ABHD17C: variants seen among roughly 807,000 people sequenced by gnomAD.
The protein encoded by ABHD17C is abhydrolase domain containing 17C, depalmitoylase.
Under a neutral mutation model 27.9 loss-of-function variants are expected in ABHD17C, and 11 were observed. That is an observed-to-expected ratio of 0.39 (90% CI 0.25 to 0.65). The LOEUF (loss-of-function observed/expected upper bound fraction) is 0.65. Ranked by LOEUF, ABHD17C falls within the 30% of genes least tolerant of loss-of-function variation. ABHD17C has a pLI of 0.45. For synonymous variants in ABHD17C, 233 were observed against 209.1 expected (o/e 1.11, Z -0.98); for missense variants, 280 against 470.2 (o/e 0.60, Z 3.74).
At chr15:80,698,564 G>C (rs1237952209) in intron 1 of ABHD17C, among the ~76,000 whole-genome samples, 1 of 152,202 alleles carries the variant, frequency 6.6e-6, no homozygotes, top group African/African-American at 2.4e-5. Context: ...ATATTTATCA[G>C]ATTCTTCAGG....
chr15:80,734,301 G>T (rs1161120950), intron 1 of ABHD17C, among the ~76,000 whole-genome samples: 1 of 152,164 alleles, frequency 6.6e-6, no homozygotes, highest in African/African-American at 2.4e-5. Context: ...TTTTATATAA[G>T]CCAGCTTGTG....
At chr15:80,747,518 G>C (rs1196732187) in intron 1 of ABHD17C, among the ~76,000 whole-genome samples, 4 of 152,136 alleles carry the variant, frequency 2.6e-5, no homozygotes, top group Non-Finnish European at 5.9e-5. Flanking sequence ...AGTCCTCGTG[G>C]AGGGTGCTTT....
At chr15:80,745,146 C>T (rs970321011) in intron 1 of ABHD17C, among the ~76,000 whole-genome samples, 4 of 152,296 alleles carry the variant, frequency 2.6e-5, no homozygotes, top group Admixed American at 6.5e-5. Flanking sequence ...TGTGGTGTGA[C>T]ATAGACTATC....
At chr15:80,702,773 A>G (rs927493431) in intron 1 of ABHD17C, 5 of 152,232 alleles carry the variant, frequency 3.3e-5, no homozygotes, top group Non-Finnish European at 7.3e-5. Flanking sequence ...GCCTGTGTAC[A>G]GGAATCCAGA....
intron 1 of ABHD17C, among the ~76,000 whole-genome samples, 190 bp from the exon 2 acceptor site, chr15:80,749,323 A>G (rs774179596): frequency 1.3e-5 from 2 of 152,176 alleles, no homozygotes; most frequent in African/African-American, 4.8e-5. Flanking sequence ...GTCACTTAGT[A>G]CCAAAACAGG....
chr15:80,734,072 C>A (rs532400143), intron 1 of ABHD17C, among the ~76,000 whole-genome samples: 13 of 152,150 alleles, frequency 8.5e-5, no homozygotes, highest in African/African-American at 3.1e-4. Context: ...GCAACTTCCA[C>A]GTCCCGGACT....
In ABHD17C at chr15:80,723,136, A is replaced by ATG. The variant is rs1323977699; in HGVS notation, c.591-26376_591-26375insGT. On this transcript the variant is annotated intron_variant, in intron 1 of 2. Coordinates refer to ENST00000258884, the MANE Select transcript of ABHD17C (RefSeq NM_021214.2). ...TATTCCATTGTTTGTGTGTGTGTAT[A>ATG]TATGTGTGTGTGTGTGTGTGTGTGT... Among the ~76,000 whole-genome samples, 350 of 92,510 alleles carry ATG rather than the reference A, an allele frequency of 3.8e-3. 1 individual carries two copies. The highest frequency in any genetic ancestry group is 7.7e-3 in the Non-Finnish European group (265 of 34,320). 60.7% of individuals were successfully genotyped at this position (92,510 alleles called of 152,430 possible). A position where few individuals can be genotyped will look rare whatever the true frequency, so the allele number is the denominator to read the frequency against.
At chr15:80,723,000 C>T (rs972689684) in intron 1 of ABHD17C, among the ~76,000 whole-genome samples, 9 of 152,184 alleles carry the variant, frequency 5.9e-5, no homozygotes, top group Non-Finnish European at 8.8e-5. Flanking sequence ...CTTGTGGATA[C>T]GGAGGACCAA....
At chr15:80,696,921 C>A (rs899477122) in intron 1 of ABHD17C, among the ~76,000 whole-genome samples, 7 of 152,176 alleles carry the variant, frequency 4.6e-5, no homozygotes, top group African/African-American at 1.4e-4. Context: ...CCTTTCCGAC[C>A]TGCCTCATAG....
chr15:80,734,398 C>G (rs1895098680), intron 1 of ABHD17C, among the ~76,000 whole-genome samples: 1 of 152,188 alleles, frequency 6.6e-6, no homozygotes, highest in Non-Finnish European at 1.5e-5. Flanking sequence ...GCAGCATTTT[C>G]TGGCTTTTCC....
chr15:80,724,209 G>T (rs1298696951), intron 1 of ABHD17C, among the ~76,000 whole-genome samples: 1 of 151,950 alleles, frequency 6.6e-6, no homozygotes, highest in Non-Finnish European at 1.5e-5. Flanking sequence ...AGGTGTGGTG[G>T]GGCATGCCTT....
chr15:80,701,652 C>G (rs1894573923), intron 1 of ABHD17C, among the ~76,000 whole-genome samples: 1 of 150,076 alleles, frequency 6.7e-6, no homozygotes, highest in South Asian at 2.1e-4. Flanking sequence ...GCACTCCAGC[C>G]TGGGCGACAG....
intron 1 of ABHD17C, among the ~76,000 whole-genome samples, chr15:80,719,933 G>C (rs991335229): frequency 6.6e-5 from 10 of 152,108 alleles, no homozygotes; most frequent in African/African-American, 2.4e-4. Flanking sequence ...AAGTAGCTGA[G>C]ACTACAAGTG....
chr15:80,736,112 C>G (rs1166141861), intron 1 of ABHD17C, among the ~76,000 whole-genome samples: 1 of 152,184 alleles, frequency 6.6e-6, no homozygotes, highest in Non-Finnish European at 1.5e-5. Flanking sequence ...GCAGACATTA[C>G]TAACCTTTAA....
At chr15:80,722,402 G>T (rs79976251) in intron 1 of ABHD17C, among the ~76,000 whole-genome samples, 1 of 147,950 alleles carries the variant, frequency 6.8e-6, no homozygotes, top group Non-Finnish European at 1.5e-5. Flanking sequence ...GCTTTGTTGC[G>T]CTGTGATTGA....
At chr15:80,731,507 C>T (rs1295953766) in intron 1 of ABHD17C, among the ~76,000 whole-genome samples, 1 of 152,134 alleles carries the variant, frequency 6.6e-6, no homozygotes, top group Non-Finnish European at 1.5e-5. Context: ...TACAAGATCC[C>T]AGGTTTGTCA....
intron 1 of ABHD17C, among the ~76,000 whole-genome samples, chr15:80,721,969 A>G (rs923403297): frequency 6.6e-6 from 1 of 152,154 alleles, no homozygotes; most frequent in East Asian, 1.9e-4. Context: ...TTGGATTTGT[A>G]TAACTTTCTG....
intron 1 of ABHD17C, among the ~76,000 whole-genome samples, chr15:80,699,797 T>G (rs2141488008): frequency 6.6e-6 from 1 of 152,308 alleles, no homozygotes; most frequent in South Asian, 2.1e-4. Context: ...TTTTAAACTC[T>G]TGAAAAGTTA....
At chr15:80,741,469 G>T (rs1302318633) in intron 1 of ABHD17C, among the ~76,000 whole-genome samples, 2 of 150,518 alleles carry the variant, frequency 1.3e-5, no homozygotes, top group African/African-American at 4.9e-5. Context: ...TCACTTAAAG[G>T]AAGCCCTGTA....
Sources: gnomAD v4.1 joint callset for allele counts (sites outside exome capture counted in the v4.1 genomes callset) on GRCh38, gnomAD v4.1.1 for gene constraint, MANE v1.5 for transcripts, NCBI Gene and HGNC (gene_info 2026-07-23, HGNC 2026-07-21) for gene names.